HMGN3: variants seen among roughly 807,000 people sequenced by gnomAD.
HMGN3 encodes the protein high mobility group nucleosome-binding domain-containing protein 3.
A neutral mutation model predicts 18.8 loss-of-function variants in HMGN3; 6 were observed. The observed-to-expected ratio is 0.32, with a 90% confidence interval of 0.18 to 0.63. HMGN3 has a LOEUF of 0.63. Among genes scored for constraint, HMGN3 ranks in the 30% least tolerant of loss-of-function variants. The pLI, the probability that HMGN3 is intolerant of heterozygous loss-of-function variation, is 0.79. For missense variants in HMGN3, 107 were observed against 114.2 expected (o/e 0.94, Z 0.29); for synonymous variants, 40 against 36.5 (o/e 1.10, Z -0.35).
At chr6:79,216,706 TAATC>T (rs1300590561) in intron 1 of HMGN3, among the ~76,000 whole-genome samples, 6 of 152,228 alleles carry the variant, frequency 3.9e-5, no homozygotes, top group East Asian at 1.9e-4. Flanking sequence ...GATCTTGTGT[TAATC>T]AGTCAGTTGT....
At chr6:79,211,424 G>A (rs1776682490) in intron 2 of HMGN3, among the ~76,000 whole-genome samples, 1 of 150,508 alleles carries the variant, frequency 6.6e-6, no homozygotes, top group African/African-American at 2.4e-5. Context: ...ATTGTTGGGT[G>A]GGACTACGAG....
intron 1 of HMGN3, among the ~76,000 whole-genome samples, chr6:79,225,545 C>A (rs1473552280): frequency 2.0e-5 from 3 of 152,154 alleles, no homozygotes; most frequent in Non-Finnish European, 2.9e-5. Flanking sequence ...ACATTAAAAT[C>A]CCTCAATATA....
intron 1 of HMGN3, among the ~76,000 whole-genome samples, chr6:79,227,565 C>A (rs1777623487): frequency 6.6e-6 from 1 of 152,146 alleles, no homozygotes; most frequent in African/African-American, 2.4e-5. Context: ...AGGCACTGGG[C>A]TAAGTTCTTT....
intron 1 of HMGN3, among the ~76,000 whole-genome samples, chr6:79,224,628 T>C (rs1777471852): frequency 6.6e-6 from 1 of 152,166 alleles, no homozygotes; most frequent in African/African-American, 2.4e-5. Context: ...TGTGCTTCCA[T>C]ATGGTTGTTG....
chr6:79,203,339 C>G (rs937232417), intron 4 of HMGN3, among the ~76,000 whole-genome samples: 2 of 152,156 alleles, frequency 1.3e-5, no homozygotes, highest in African/African-American at 4.8e-5. Flanking sequence ...TGCCAAACCC[C>G]CTTCGGACAT....
At chr6:79,216,750 A>G (rs1228625139) in intron 1 of HMGN3, among the ~76,000 whole-genome samples, 2 of 152,216 alleles carry the variant, frequency 1.3e-5, no homozygotes, top group East Asian at 3.9e-4. Context: ...TAGTCTGAGC[A>G]TATGAAGATA....
exon 1 of HMGN3, chr6:79,234,661 C>T: frequency 1.7e-6 from 2 of 1,201,050 alleles, no homozygotes; most frequent in South Asian, 1.3e-5. Flanking sequence ...ACGCGCAGGG[C>T]ACGACGTAGC....
exon 1 of HMGN3, chr6:79,234,638 T>G (rs9361504): frequency 0.96 from 1,381,189 of 1,444,712 alleles, 661,464 homozygotes; most frequent in East Asian, 1. Context: ...TGCCTCTGCC[T>G]CTGCAGCTGC....
At chr6:79,208,971 A>G (rs1776553237) in intron 2 of HMGN3, among the ~76,000 whole-genome samples, 1 of 152,232 alleles carries the variant, frequency 6.6e-6, no homozygotes, top group South Asian at 2.1e-4. Context: ...TAAAAATGGA[A>G]CTAAAGCTTT....
In HMGN3 at chr6:79,209,808, GA is replaced by G. The variant is rs1423028539; in HGVS notation, c.67-1233del. Among the ~76,000 whole-genome samples, 4 of 152,328 alleles carry G rather than the reference GA, an allele frequency of 2.6e-5. No homozygotes were observed. In the East Asian group the frequency reaches 7.7e-4, roughly 29 times the overall value. On this transcript the variant is annotated intron_variant, in intron 2 of 5. Transcript: ENST00000344726. ...AACTTTCTTGCTGAAAATAGCCAGA[GA>G]AGCTAAACTCATCTTTCTTTAAACT... is the stretch of plus-strand genomic sequence containing the variant.
chr6:79,212,192 C>T (rs1776723461), intron 2 of HMGN3, among the ~76,000 whole-genome samples: 1 of 152,050 alleles, frequency 6.6e-6, no homozygotes, highest in Non-Finnish European at 1.5e-5. Context: ...CATAAAAGGG[C>T]CATAGGGATA....
exon 5 of HMGN3, chr6:79,202,375 T>G: frequency 6.2e-7 from 1 of 1,613,800 alleles, no homozygotes; most frequent in Non-Finnish European, 8.5e-7. Context: ...TGCTAATCTT[T>G]GCTCCAGGTT....
At chr6:79,234,670 G>T (rs1778062176) in exon 1 of HMGN3, 7 of 1,086,166 alleles carry the variant, frequency 6.4e-6, no homozygotes, top group South Asian at 4.1e-5. Flanking sequence ...GCACGACGTA[G>T]CCCGGCCTCT....
chr6:79,212,317 A>G (rs1776734035), intron 2 of HMGN3, among the ~76,000 whole-genome samples: 1 of 152,236 alleles, frequency 6.6e-6, no homozygotes, highest in East Asian at 1.9e-4. Flanking sequence ...AAATAGGGAT[A>G]ACATCTGTCA....
At chr6:79,223,739 CTT>C (rs11461795) in intron 1 of HMGN3, among the ~76,000 whole-genome samples, 63 of 147,422 alleles carry the variant, frequency 4.3e-4, no homozygotes, top group East Asian at 1.4e-3. Flanking sequence ...CTAGAGTTAC[CTT>C]TTTTTTTTTT....
chr6:79,215,282 T>A (rs1776916638), intron 1 of HMGN3, among the ~76,000 whole-genome samples: 1 of 152,242 alleles, frequency 6.6e-6, no homozygotes, highest in African/African-American at 2.4e-5. Flanking sequence ...CAATGTGCAT[T>A]CACCCTAAGC....
At position 79,208,529 on chromosome 6, in the gene HMGN3, T is replaced by C; in HGVS notation, c.96+18A>G. 6.3e-7 allele frequency: 1 copy of C among 1,599,638 alleles called. No individual in the cohort carries two copies. Among genetic ancestry groups the C allele is most frequent in the Non-Finnish European group, 8.6e-7 (1 of 1,166,630 alleles). On this transcript the variant is annotated intron_variant, in intron 3 of 5. Coordinates refer to ENST00000344726, the Ensembl canonical transcript of HMGN3. ...GTACTCATAAGAACTAACACTGAAG[T>C]GGTTCTAAGGTACTTACCGCTGACA... is the stretch of plus-strand genomic sequence containing the variant.
At chr6:79,234,580 C>T in exon 1 of HMGN3, 1 of 1,611,504 alleles carries the variant, frequency 6.2e-7, no homozygotes, top group Non-Finnish European at 8.5e-7. Flanking sequence ...GTCGGTGAAG[C>T]AAAAAGTAAA....
rs553395505 is a variant in HMGN3 at position 79,219,451 on chromosome 6, G to A, written c.16-4429C>T. Among the ~76,000 whole-genome samples, 10 of 151,816 alleles carry A rather than the reference G, an allele frequency of 6.6e-5. 1 individual carries two copies. The highest frequency in any genetic ancestry group is 2.4e-4 in the African/African-American group (10 of 41,432). On this transcript the variant is annotated intron_variant, in intron 1 of 5. Coordinates refer to ENST00000344726, the Ensembl canonical transcript of HMGN3. Reference sequence around the variant, plus strand: ...CTTTCAACAAGAATCTATTACTAAAGGTTCAAATTTAGTAATAAGAAAAAC... The same window carrying A: ...CTTTCAACAAGAATCTATTACTAAAAGTTCAAATTTAGTAATAAGAAAAAC...
Sources: allele counts gnomAD v4.1 joint callset (sites outside exome capture counted in the v4.1 genomes callset), GRCh38; gene constraint gnomAD v4.1.1; transcripts MANE v1.5; gene names NCBI Gene and HGNC (gene_info 2026-07-23, HGNC 2026-07-21).